The following ATP2B2 variants were observed in gnomAD, a reference collection of about 807,000 sequenced individuals.
The protein encoded by ATP2B2 is ATPase plasma membrane Ca2+ transporting 2.
ATP2B2 carries 15 observed loss-of-function variants against 120.0 expected under a neutral mutation model. The observed-to-expected ratio is 0.12, with a 90% CI of 0.08 to 0.19. The LOEUF (loss-of-function observed/expected upper bound fraction) is 0.19, where lower values mean the gene tolerates loss of function less well. ATP2B2 is among the 10% of genes least tolerant of loss of function. ATP2B2 has a pLI of 1.00. For missense variants in ATP2B2, 1,045 were observed against 1,719.8 expected (o/e 0.61, Z 6.94); for synonymous variants, 694 against 700.3 (o/e 0.99, Z 0.14).
intron 12 of ATP2B2, among the ~76,000 whole-genome samples, chr3:10,368,457 C>T (rs555520767): frequency 6.6e-6 from 1 of 152,038 alleles, no homozygotes; most frequent in East Asian, 1.9e-4. Flanking sequence ...ATTCATCCAT[C>T]CATTCGTCCA....
intron 1 of ATP2B2, among the ~76,000 whole-genome samples, chr3:10,671,850 G>A (rs76195221): frequency 0.07 from 10,583 of 152,168 alleles, 510 homozygotes; most frequent in South Asian, 0.14. Context: ...TGGTGGCCTC[G>A]GAAGGAGTCT....
At chr3:10,615,872 T>C (rs2069372090) in intron 2 of ATP2B2, among the ~76,000 whole-genome samples, 1 of 152,038 alleles carries the variant, frequency 6.6e-6, no homozygotes. Context: ...GGATGAACTA[T>C]TTTGCTATGG....
chr3:10,439,442 G>T (rs1399319154), intron 2 of ATP2B2, among the ~76,000 whole-genome samples: 1 of 152,134 alleles, frequency 6.6e-6, no homozygotes, highest in African/African-American at 2.4e-5. Context: ...GCATCCCCTT[G>T]GGGCCCCCGC....
At chr3:10,512,283 G>A (rs1359175595) in intron 3 of ATP2B2, among the ~76,000 whole-genome samples, 1 of 151,972 alleles carries the variant, frequency 6.6e-6, no homozygotes, top group Non-Finnish European at 1.5e-5. Flanking sequence ...GCTGTGAGCT[G>A]GCAGGCCTAA....
At position 10,324,597 on chromosome 3, in the gene ATP2B2, G is replaced by A. The variant is rs2059831788; in HGVS notation, c.*4217C>T. On this transcript the variant is annotated 3_prime_UTR_variant, in exon 23 of 23. Coordinates refer to ENST00000360273, the MANE Select transcript of ATP2B2 (RefSeq NM_001001331.4). ...CAAGAGCCTCTAATGGTGGGATTTT[G>A]GACACAATGGCAGGAGAGAGATTTG... The A allele has an allele frequency of 6.6e-6, 1 of 152,248 alleles. No homozygotes were observed. Among genetic ancestry groups the A allele is most frequent in the Admixed American group, 6.5e-5 (1 of 15,284 alleles). 9.4% of individuals were successfully genotyped at this position (152,248 alleles called of 1,614,324 possible). A position where few individuals can be genotyped will look rare whatever the true frequency, so the allele number is the denominator to read the frequency against.
At chr3:10,443,571 TAAAACCCGCCTG>T (rs1173802888) in intron 2 of ATP2B2, among the ~76,000 whole-genome samples, 1 of 152,098 alleles carries the variant, frequency 6.6e-6, no homozygotes, top group Non-Finnish European at 1.5e-5. Flanking sequence ...CCCCATGTGC[TAAAACCCGCCTG>T]AAAATGAAGC....
intron 2 of ATP2B2, among the ~76,000 whole-genome samples, chr3:10,607,208 C>G (rs2069111143): frequency 6.6e-6 from 1 of 152,140 alleles, no homozygotes; most frequent in African/African-American, 2.4e-5. Flanking sequence ...CTTCTCCTCT[C>G]TGATCCACTT....
At chr3:10,542,492 G>T (rs2067461380) in intron 2 of ATP2B2, among the ~76,000 whole-genome samples, 1 of 152,088 alleles carries the variant, frequency 6.6e-6, no homozygotes, top group South Asian at 2.1e-4. Context: ...TCTCCTTTCT[G>T]TTTGGAGAAC....
chr3:10,440,056 C>T (rs34861), intron 2 of ATP2B2, among the ~76,000 whole-genome samples: 141,614 of 148,254 alleles, frequency 0.96, 67,693 homozygotes, highest in East Asian at 1. Flanking sequence ...GACCTGTGAT[C>T]GTGCCACCGC....
At chr3:10,670,763 G>C (rs1275179271) in intron 1 of ATP2B2, among the ~76,000 whole-genome samples, 2 of 152,196 alleles carry the variant, frequency 1.3e-5, no homozygotes. Context: ...TCGTGTGGAA[G>C]AAGGCCTGGA....
chr3:10,531,300 C>T (rs534033324), intron 3 of ATP2B2, among the ~76,000 whole-genome samples: 10 of 152,352 alleles, frequency 6.6e-5, no homozygotes, highest in East Asian at 1.9e-4. Flanking sequence ...GACTTGGAAA[C>T]GCAGACAGTG....
intron 1 of ATP2B2, among the ~76,000 whole-genome samples, chr3:10,652,193 C>G (rs1388679960): frequency 6.6e-6 from 1 of 152,178 alleles, no homozygotes; most frequent in Non-Finnish European, 1.5e-5. Flanking sequence ...ATCAGCTTCT[C>G]TGGGCTGATG....
chr3:10,341,262 G>C (rs2060267895), intron 19 of ATP2B2, among the ~76,000 whole-genome samples: 1 of 152,176 alleles, frequency 6.6e-6, no homozygotes, highest in Non-Finnish European at 1.5e-5. Context: ...GGGCACTGCT[G>C]TGTAGACGCT....
At chr3:10,684,833 A>G (rs887761384) in intron 1 of ATP2B2, among the ~76,000 whole-genome samples, 2 of 152,252 alleles carry the variant, frequency 1.3e-5, no homozygotes, top group Non-Finnish European at 2.9e-5. Context: ...ATCTTTGCCA[A>G]TTGGATGGCT....
At chr3:10,386,611 A>G in intron 6 of ATP2B2, 99 bp from the exon 7 acceptor site, 1 of 1,280,200 alleles carries the variant, frequency 7.8e-7, no homozygotes. Context: ...GTGCATACAC[A>G]CATGGCCATA....
intron 1 of ATP2B2, among the ~76,000 whole-genome samples, chr3:10,702,516 C>T (rs768604279): frequency 3.3e-5 from 5 of 152,124 alleles, no homozygotes; most frequent in Non-Finnish European, 5.9e-5. Context: ...AGCACTGACT[C>T]GTTCCCAGGC....
intron 5 of ATP2B2, among the ~76,000 whole-genome samples, chr3:10,394,227 C>A (rs768856599): frequency 3.9e-5 from 6 of 152,066 alleles, no homozygotes; most frequent in Non-Finnish European, 8.8e-5. Context: ...TATTATCTGC[C>A]TCCAGGCACA....
At position 10,355,953 on chromosome 3, in the gene ATP2B2, TA is replaced by T. The variant is rs1474859776; in HGVS notation, c.2136+2737del. On this transcript the variant is annotated intron_variant, in intron 14 of 22. Transcript: ENST00000360273. ...AGCCGGGCGTGGTAGCGGGCGCCTG[TA>T]GTCCCAGCTACTCGGGAGGCTGAGG... 9.3e-5 allele frequency among the ~76,000 whole-genome samples: 7 copies of T among 75,122 alleles called. 2 individuals carry two copies. Among genetic ancestry groups the T allele is most frequent in the Non-Finnish European group, 1.3e-4 (5 of 39,440 alleles). 49.3% of individuals were successfully genotyped at this position (75,122 alleles called of 152,430 possible).
chr3:10,683,760 G>GTGTGTGTATGTATATATATA (rs1446781892), intron 1 of ATP2B2, among the ~76,000 whole-genome samples: 10 of 53,896 alleles, frequency 1.9e-4, no homozygotes, highest in East Asian at 9.6e-4. Context: ...GTGTGTGTGT[G>GTGTGTGTATGTATATATATA]TATATATATA....
Sources: gnomAD v4.1 joint callset for allele counts (sites outside exome capture counted in the v4.1 genomes callset) on GRCh38, gnomAD v4.1.1 for gene constraint, MANE v1.5 for transcripts, NCBI Gene and HGNC (gene_info 2026-07-23, HGNC 2026-07-21) for gene names.